Variants in RFT1 observed in about 807,000 individuals in gnomAD.
RFT1 encodes the protein man(5)GlcNAc(2)-PP-dolichol translocation protein RFT1.
A neutral mutation model predicts 62.2 loss-of-function variants in RFT1; 43 were observed. The observed-to-expected ratio is 0.69, with a 90% CI of 0.54 to 0.89. RFT1 has a LOEUF of 0.89. Ranked by LOEUF, RFT1 falls within the 40% of genes least tolerant of loss-of-function variation. The probability of loss-of-function intolerance (pLI) is 0.00; values close to 1 mark genes in which losing one functional copy is unlikely to be tolerated. For synonymous variants in RFT1, 262 were observed against 264.6 expected (o/e 0.99, Z 0.10); for missense variants, 605 against 649.9 (o/e 0.93, Z 0.75).
the RFT1 span, among the ~76,000 whole-genome samples, chr3:53,072,887 G>C: frequency 6.6e-6 from 1 of 152,218 alleles, no homozygotes; most frequent in Admixed American, 6.5e-5. Context: ...GGCTCCGCCC[G>C]CGACCTCAGA....
chr3:53,124,655 C>T (rs1382689290), intron 2 of RFT1, among the ~76,000 whole-genome samples: 1 of 152,172 alleles, frequency 6.6e-6, no homozygotes, highest in African/African-American at 2.4e-5. Context: ...CCTCTTCCTT[C>T]CTGCTTTTAA....
At chr3:53,128,333 A>T (rs572905254) in intron 1 of RFT1, among the ~76,000 whole-genome samples, 37 of 152,214 alleles carry the variant, frequency 2.4e-4, no homozygotes, top group African/African-American at 7.5e-4. Flanking sequence ...GTACATACTT[A>T]TGTTAACCTC....
At chr3:53,087,161 T>C (rs1023353510), downstream of RFT1, among the ~76,000 whole-genome samples, 3 of 152,172 alleles carry the variant, frequency 2.0e-5, no homozygotes, top group African/African-American at 7.2e-5. Context: ...TGCTTGCACC[T>C]GGGAGGCAGA....
Position 53,096,422 on chromosome 3 carries a change from C to T in RFT1, c.1208+2959G>A, listed in dbSNP as rs544982102. On this transcript the variant is annotated intron_variant, in intron 11 of 12. Transcript: ENST00000296292. ...CCAGGCCGGGCACGTTGGCTCACTC[C>T]TATAATCCCAGCACTTTGGGAGGCT... Among the ~76,000 whole-genome samples the T allele has an allele frequency of 4.5e-4, 69 of 152,104 alleles. 2 individuals are homozygous for T. The South Asian group carries it at 0.014, about 31-fold the overall frequency.
At chr3:53,102,729 G>GT (rs895141592) in intron 10 of RFT1, among the ~76,000 whole-genome samples, 5 of 152,198 alleles carry the variant, frequency 3.3e-5, no homozygotes, top group Admixed American at 1.3e-4. Flanking sequence ...CAGCTCACAG[G>GT]TAAGTAGTCC....
chr3:53,103,766 C>T, intron 10 of RFT1, 187 bp downstream of exon 10: 3 of 714,520 alleles, frequency 4.2e-6, no homozygotes, highest in South Asian at 3.4e-5. Context: ...GGCGCCAACG[C>T]CCCTGCCTAT....
In RFT1 at chr3:53,099,346, G is replaced by A. The variant is rs1478142139; in HGVS notation, c.1208+35C>T. ...ACAAGTTATTTCATTTTGGCTGAAG[G>A]CCATGATTAAAGGTGTACCTGCTAG... On this transcript the variant is annotated intron_variant, in intron 11 of 12. Transcript: ENST00000296292. 4.6e-6 allele frequency: 7 copies of A among 1,520,578 alleles called. No homozygotes were observed. In the African/African-American group the frequency reaches 8.2e-5, roughly 18 times the overall value. The allele number at this position is 1,520,578 out of a possible 1,614,324, so 94.2% of individuals were successfully genotyped here.
chr3:53,117,126 TCA>T (rs1452565802), intron 6 of RFT1, among the ~76,000 whole-genome samples: 5 of 152,228 alleles, frequency 3.3e-5, no homozygotes, highest in Non-Finnish European at 5.9e-5. Context: ...CCTCTGAACC[TCA>T]GTTTTCTTGT....
At chr3:53,107,728 C>A (rs1701528375) in intron 7 of RFT1, among the ~76,000 whole-genome samples, 1 of 151,830 alleles carries the variant, frequency 6.6e-6, no homozygotes, top group Admixed American at 6.5e-5. Context: ...CCAGGGCCCC[C>A]ATCCCCTTGG....
intron 10 of RFT1, among the ~76,000 whole-genome samples, chr3:53,100,589 G>T (rs542985568): frequency 6.6e-6 from 1 of 152,288 alleles, no homozygotes; most frequent in East Asian, 1.9e-4. Flanking sequence ...AGCAAGAAAA[G>T]ATAATAAAAA....
At chr3:53,069,894 C>T in the RFT1 span, among the ~76,000 whole-genome samples, 5 of 152,200 alleles carry the variant, frequency 3.3e-5, no homozygotes, top group African/African-American at 1.2e-4. Flanking sequence ...GTGGCAATTA[C>T]AAGGACTGAG....
chr3:53,096,826 C>T (rs1701155694), intron 11 of RFT1, among the ~76,000 whole-genome samples: 1 of 152,142 alleles, frequency 6.6e-6, no homozygotes, highest in African/African-American at 2.4e-5. Flanking sequence ...CTCACTGCAA[C>T]CTCCGCTTCC....
At chr3:53,102,175 A>T (rs1701336265) in intron 10 of RFT1, among the ~76,000 whole-genome samples, 1 of 152,256 alleles carries the variant, frequency 6.6e-6, no homozygotes, top group South Asian at 2.1e-4. Context: ...TGCAGCTGCA[A>T]GTCAAGGAAC....
At chr3:53,130,210 C>CA (rs1702223427) in intron 1 of RFT1, 128 bp downstream of exon 1, 1 of 938,466 alleles carries the variant, frequency 1.1e-6, no homozygotes, top group Non-Finnish European at 1.7e-6. Flanking sequence ...TCGACCCCCC[C>CA]ACCCCCTCCA....
At position 53,090,887 on chromosome 3, in the gene RFT1, A is replaced by T. The variant is rs1297980677; in HGVS notation, c.*1016T>A. On this transcript the variant is annotated 3_prime_UTR_variant, in exon 13 of 13. Transcript: ENST00000296292. Reference sequence around the variant, plus strand: ...CTGTAGCCTGGAGTACCAGGCCCCCATGCCTGCCACTCTTGTCCTGGGGCT... The same window carrying T: ...CTGTAGCCTGGAGTACCAGGCCCCCTTGCCTGCCACTCTTGTCCTGGGGCT... 1 of 152,240 alleles carries T rather than the reference A, an allele frequency of 6.6e-6. No individual in the cohort carries two copies. Among genetic ancestry groups the T allele is most frequent in the African/African-American group, 2.4e-5 (1 of 41,452 alleles). The allele number at this position is 152,240 out of a possible 1,614,324, so 9.4% of individuals were successfully genotyped here.
the RFT1 span, among the ~76,000 whole-genome samples, chr3:53,082,590 T>A: frequency 6.6e-6 from 1 of 152,170 alleles, no homozygotes; most frequent in Non-Finnish European, 1.5e-5. Flanking sequence ...TGACCCCAGT[T>A]GTGTGGCTCA....
At chr3:53,083,148 C>T in the RFT1 span, among the ~76,000 whole-genome samples, 1 of 137,046 alleles carries the variant, frequency 7.3e-6, no homozygotes, top group East Asian at 2.3e-4. Flanking sequence ...TTGCAGTGAC[C>T]TGAGATTGCG....
chr3:53,070,763 G>A, the RFT1 span, among the ~76,000 whole-genome samples: 7 of 151,610 alleles, frequency 4.6e-5, no homozygotes, highest in Middle Eastern at 3.4e-3. Context: ...TTGGCCAGGT[G>A]CGGTGGCTCA....
chr3:53,072,429 C>A, the RFT1 span, among the ~76,000 whole-genome samples: 1 of 152,224 alleles, frequency 6.6e-6, no homozygotes, highest in Non-Finnish European at 1.5e-5. Flanking sequence ...ATGGTTCACT[C>A]TCAGAAGTAT....
Sources: allele counts gnomAD v4.1 joint callset (sites outside exome capture counted in the v4.1 genomes callset), GRCh38; gene constraint gnomAD v4.1.1; transcripts MANE v1.5; gene names NCBI Gene and HGNC (gene_info 2026-07-23, HGNC 2026-07-21).